DENND2B: variants seen among roughly 807,000 people sequenced by gnomAD.
DENND2B encodes DENN domain-containing protein 2B.
A neutral mutation model predicts 116.0 loss-of-function variants in DENND2B; 32 were observed. The observed-to-expected ratio is 0.28, with a 90% CI of 0.21 to 0.37. The LOEUF (loss-of-function observed/expected upper bound fraction) is 0.37, where lower values mean the gene tolerates loss of function less well. DENND2B is among the 10% of genes least tolerant of loss of function. DENND2B has a pLI of 1.00. For missense variants in DENND2B, 1,276 were observed against 1,477.7 expected (o/e 0.86, Z 2.24); for synonymous variants, 588 against 583.9 (o/e 1.01, Z -0.10).
At chr11:8,735,996 G>A (rs2048960997) in intron 2 of DENND2B, among the ~76,000 whole-genome samples, 1 of 152,208 alleles carries the variant, frequency 6.6e-6, no homozygotes, top group African/African-American at 2.4e-5. Flanking sequence ...GACAAGAGGA[G>A]ACCACGGCCA....
chr11:8,714,798 T>A, intron 6 of DENND2B, 92 bp from the exon 7 acceptor site: 1 of 1,097,420 alleles, frequency 9.1e-7, no homozygotes, highest in Non-Finnish European at 1.4e-6. Context: ...CTGCCCTTAA[T>A]GGTACAAGCT....
chr11:8,826,423 G>A (rs988565403), intron 4 of DENND2B, among the ~76,000 whole-genome samples: 5 of 152,200 alleles, frequency 3.3e-5, no homozygotes, highest in African/African-American at 7.2e-5. Flanking sequence ...TAGCTGTTGT[G>A]AGCAAGGACT....
chr11:8,839,514 G>C (rs1486303904), intron 3 of DENND2B, among the ~76,000 whole-genome samples: 1 of 152,156 alleles, frequency 6.6e-6, no homozygotes, highest in Non-Finnish European at 1.5e-5. Flanking sequence ...TTCCACAGAA[G>C]AGCAAAGGGG....
intron 1 of DENND2B, among the ~76,000 whole-genome samples, chr11:8,788,366 C>A (rs1565950595): frequency 6.6e-6 from 1 of 152,092 alleles, no homozygotes; most frequent in Non-Finnish European, 1.5e-5. Flanking sequence ...CAGTATTAAC[C>A]CCCTACCTCA....
intron 1 of DENND2B, among the ~76,000 whole-genome samples, chr11:8,806,605 A>AAAACACACAC: frequency 8.4e-6 from 1 of 118,576 alleles, no homozygotes; most frequent in African/African-American, 3.1e-5. Flanking sequence ...CTCCCTTCAA[A>AAAACACACAC]ACACACACAC....
chr11:8,893,059 G>A (rs1441670884), intron 1 of DENND2B, among the ~76,000 whole-genome samples: 1 of 152,050 alleles, frequency 6.6e-6, no homozygotes, highest in East Asian at 1.9e-4. Flanking sequence ...ATGATCAAGT[G>A]GGCTTCATCC....
rs545896062 is a variant in DENND2B, at chr11:8,766,750, G to A, written c.-25-16025C>T. On this transcript the variant is annotated intron_variant, in intron 1 of 19. Transcript: ENST00000313726. ...GCTGTTGATACAATAGTCAACTGTT[G>A]TGATGTCACAGGACTCAACTTTTGT... 30 of 1,194,792 alleles carry A rather than the reference G, an allele frequency of 2.5e-5. No individual in the cohort carries two copies. The East Asian group carries it at 1.2e-3, about 48-fold the overall frequency. The allele number at this position is 1,194,792 out of a possible 1,614,324, so 74.0% of individuals were successfully genotyped here. A position where few individuals can be genotyped will look rare whatever the true frequency, so the allele number is the denominator to read the frequency against.
rs1321597282 is a variant in DENND2B at position 8,712,781 on chromosome 11, T to C, written c.1988-46A>G. 2 of 1,564,580 alleles carry C rather than the reference T, an allele frequency of 1.3e-6. No homozygotes were observed. Among genetic ancestry groups the C allele is most frequent in the East Asian group, 4.5e-5 (2 of 44,230 alleles). On this transcript the variant is annotated intron_variant, in intron 8 of 19. Transcript: ENST00000313726. This position sits in a 1 kb window ranked among gnomAD's most constrained non-coding sequence, Gnocchi z 4.4. ...AGGGAATGGACCCTCACAGGCCTCA[T>C]GTTAACTCCTCTACCCCTGGCTCAG...
chr11:8,730,020 A>T lies in DENND2B; in HGVS notation c.1270T>A (p.Ser424Thr). Residue 424 changes from serine (S) to threonine (T), a missense_variant, in exon 3 of 20, where the codon TCC (serine) becomes ACC (threonine). Physicochemically the swap from Ser to Thr is moderately conservative, Grantham distance 58. Around this residue, in one of 2 missense-constraint regions of DENND2B, gnomAD observed 856 missense variants for 846.6 expected, o/e 1.01. Transcript: ENST00000313726. This position sits in a 1 kb window ranked among gnomAD's most constrained non-coding sequence, Gnocchi z 4.1. ...CGGGTGACTGGCGGGGCTGGGGTGG[A>T]GGGCAAGGGAGGTGGAGCAGCAGGT... ...PTPAAPPPLP[S>T]TPAPPVTRRP... 1 of 1,613,638 alleles carries T rather than the reference A, an allele frequency of 6.2e-7. No homozygotes were observed. The highest frequency in any genetic ancestry group is 8.5e-7 in the Non-Finnish European group (1 of 1,179,676).
At chr11:8,843,101 C>A (rs1288231283) in intron 3 of DENND2B, among the ~76,000 whole-genome samples, 1 of 152,036 alleles carries the variant, frequency 6.6e-6, no homozygotes, top group Non-Finnish European at 1.5e-5. Flanking sequence ...ACTGCAACAT[C>A]CGCCTCCCGG....
At chr11:8,747,979 T>C (rs78182154) in intron 2 of DENND2B, among the ~76,000 whole-genome samples, 5,899 of 152,194 alleles carry the variant, frequency 0.039, 338 homozygotes, top group African/African-American at 0.12. Flanking sequence ...AATACACACC[T>C]TGACAGTTAC....
chr11:8,696,929 G>A (rs2040465145), intron 17 of DENND2B, among the ~76,000 whole-genome samples: 1 of 152,136 alleles, frequency 6.6e-6, no homozygotes, highest in Admixed American at 6.5e-5. Context: ...GATTACAGGT[G>A]CACTTTTTGT....
At chr11:8,812,781 G>T (rs2061436473), upstream of DENND2B, among the ~76,000 whole-genome samples, 1 of 152,168 alleles carries the variant, frequency 6.6e-6, no homozygotes, top group African/African-American at 2.4e-5. Context: ...TCTCAAGTCA[G>T]GAACTGAACT....
intron 1 of DENND2B, among the ~76,000 whole-genome samples, chr11:8,906,205 C>CTTTTTTTTTT: frequency 1.1e-5 from 1 of 93,300 alleles, no homozygotes; most frequent in African/African-American, 3.5e-5. Flanking sequence ...TCTTTTTTTT[C>CTTTTTTTTTT]TTTTTTTTTT....
At chr11:8,832,383 C>T (rs1032821277) in intron 4 of DENND2B, among the ~76,000 whole-genome samples, 5 of 142,348 alleles carry the variant, frequency 3.5e-5, no homozygotes, top group Non-Finnish European at 7.5e-5. Context: ...ACCGGGGAGG[C>T]GGAGGTTGCT....
At chr11:8,695,323 T>A in intron 19 of DENND2B, 140 bp downstream of exon 19, 1 of 787,494 alleles carries the variant, frequency 1.3e-6, no homozygotes, top group East Asian at 2.5e-5. Context: ...TTCTAGTCAC[T>A]ATGGGATGTC....
intron 2 of DENND2B, among the ~76,000 whole-genome samples, chr11:8,741,397 AG>A (rs2050185207): frequency 6.6e-6 from 1 of 152,182 alleles, no homozygotes; most frequent in African/African-American, 2.4e-5. Flanking sequence ...ACACTGCAGA[AG>A]CCCCCTCTGA....
chr11:8,868,762 CT>C (rs2063671746), intron 2 of DENND2B, among the ~76,000 whole-genome samples: 1 of 152,210 alleles, frequency 6.6e-6, no homozygotes, highest in Non-Finnish European at 1.5e-5. Flanking sequence ...CTCTTGAAAG[CT>C]TTCCCCAGCA....
At chr11:8,807,097 C>T (rs1228543456) in intron 1 of DENND2B, among the ~76,000 whole-genome samples, 1 of 151,986 alleles carries the variant, frequency 6.6e-6, no homozygotes, top group Non-Finnish European at 1.5e-5. Context: ...CAAGCCAGGG[C>T]TCGGAAGGGC....
Sources: gnomAD v4.1 joint callset for allele counts (sites outside exome capture counted in the v4.1 genomes callset) on GRCh38, gnomAD v4.1.1 for gene constraint, gnomAD v4.1.1 regional missense constraint, Gnocchi (gnomAD v3.1) non-coding constraint, MANE v1.5 for transcripts, NCBI Gene and HGNC (gene_info 2026-07-23, HGNC 2026-07-21) for gene names.